ARL6IP6: variants seen among roughly 807,000 people sequenced by gnomAD.
The protein encoded by ARL6IP6 is ADP-ribosylation factor-like protein 6-interacting protein 6.
Under a neutral mutation model 21.5 loss-of-function variants are expected in ARL6IP6, and 22 were observed. That is an observed-to-expected ratio of 1.02 (90% CI 0.73 to 1.46). ARL6IP6 has a LOEUF of 1.46. ARL6IP6 is among the 40% of genes most tolerant of loss of function. ARL6IP6 has a pLI of 0.00. For missense variants in ARL6IP6, 388 were observed against 299.8 expected, an observed-to-expected ratio of 1.29 and a Z score of -2.17; for synonymous variants, 164 against 125.3, an observed-to-expected ratio of 1.31 and a Z score of -2.06.
intron 3 of ARL6IP6, among the ~76,000 whole-genome samples, chr2:152,755,275 C>T (rs892578051): frequency 6.6e-6 from 1 of 152,306 alleles, no homozygotes; most frequent in African/African-American, 2.4e-5. Context: ...AGGGAAAACA[C>T]CTGCTACTTA....
intron 2 of ARL6IP6, among the ~76,000 whole-genome samples, chr2:152,728,047 T>C (rs1700124991): frequency 6.6e-6 from 1 of 152,266 alleles, no homozygotes; most frequent in Non-Finnish European, 1.5e-5. Flanking sequence ...TATAGTCATT[T>C]AAAATACATG....
intron 1 of ARL6IP6, among the ~76,000 whole-genome samples, chr2:152,719,442 A>G: frequency 6.6e-6 from 1 of 152,228 alleles, no homozygotes; most frequent in Non-Finnish European, 1.5e-5. Flanking sequence ...TCCTCTACAC[A>G]GAATCTTGAG....
intron 1 of ARL6IP6, 137 bp downstream of exon 1, chr2:152,719,161 A>G (rs1574001451): frequency 2.0e-6 from 2 of 1,015,398 alleles, no homozygotes; most frequent in East Asian, 2.9e-5. Flanking sequence ...CCTCATTTGC[A>G]TCTTACTTTG....
chr2:152,727,089 G>A (rs562713201), intron 2 of ARL6IP6, among the ~76,000 whole-genome samples: 22 of 152,254 alleles, frequency 1.4e-4, no homozygotes, highest in Admixed American at 9.8e-4. Flanking sequence ...CCAGAAGAAG[G>A]CATTGTTGTC....
chr2:152,718,072 A>G (rs544031932), upstream of ARL6IP6: 4 of 993,844 alleles, frequency 4.0e-6, no homozygotes, highest in African/African-American at 5.2e-5. Context: ...GGAGAACCAC[A>G]CTAAAGGGAG....
At chr2:152,734,513 C>T (rs6748160) in intron 2 of ARL6IP6, among the ~76,000 whole-genome samples, 96,955 of 151,988 alleles carry the variant, frequency 0.64, 31,109 homozygotes, top group East Asian at 0.72. Context: ...TTTTTCGAAG[C>T]GGGGTTTCAC....
chr2:152,752,330 A>G (rs1701374212), intron 3 of ARL6IP6, among the ~76,000 whole-genome samples: 1 of 152,198 alleles, frequency 6.6e-6, no homozygotes, highest in Non-Finnish European at 1.5e-5. Context: ...AACAAAACTG[A>G]AACCAAGCCT....
At chr2:152,725,115 T>TAGGGATCTTCAAA (rs924791561) in intron 2 of ARL6IP6, among the ~76,000 whole-genome samples, 19 of 152,214 alleles carry the variant, frequency 1.2e-4, no homozygotes, top group Admixed American at 1.1e-3. Flanking sequence ...TATTCTTTCT[T>TAGGGATCTTCAAA]AGGGATCTTC....
chr2:152,720,264 C>G (rs1699719111), intron 1 of ARL6IP6: 1 of 475,776 alleles, frequency 2.1e-6, no homozygotes, highest in African/African-American at 1.9e-5. Context: ...TGAACTCCAC[C>G]TAGTATGCCC....
intron 3 of ARL6IP6, among the ~76,000 whole-genome samples, chr2:152,749,103 A>G (rs1701192248): frequency 6.6e-6 from 1 of 152,170 alleles, no homozygotes; most frequent in Non-Finnish European, 1.5e-5. Flanking sequence ...AATGTATTCC[A>G]TTCCTGAAAA....
intron 3 of ARL6IP6, among the ~76,000 whole-genome samples, chr2:152,741,711 AC>A (rs1221779915): frequency 6.6e-6 from 1 of 152,248 alleles, no homozygotes; most frequent in Non-Finnish European, 1.5e-5. Context: ...TTTAGGAAAT[AC>A]AAGATAGAGA....
At chr2:152,725,858 T>A (rs552856042) in intron 2 of ARL6IP6, among the ~76,000 whole-genome samples, 2 of 152,244 alleles carry the variant, frequency 1.3e-5, no homozygotes, top group Non-Finnish European at 2.9e-5. Flanking sequence ...TTATTTCTTA[T>A]GAAAATTTTT....
At chr2:152,744,159 T>G (rs1302550747) in intron 3 of ARL6IP6, among the ~76,000 whole-genome samples, 1 of 152,162 alleles carries the variant, frequency 6.6e-6, no homozygotes, top group East Asian at 1.9e-4. Context: ...TGATTTAAAA[T>G]TTTCCTAGAT....
chr2:152,717,987 A>G (rs989329736), upstream of ARL6IP6: 27 of 998,982 alleles, frequency 2.7e-5, no homozygotes, highest in Non-Finnish European at 3.1e-5. Flanking sequence ...CGATCTCCGT[A>G]CGCACCAGGT....
chr2:152,740,304 G>A (rs1327924103), intron 3 of ARL6IP6, among the ~76,000 whole-genome samples: 3 of 151,972 alleles, frequency 2.0e-5, no homozygotes, highest in Non-Finnish European at 4.4e-5. Flanking sequence ...TTTGCCATGT[G>A]CCCAGGCTGG....
intron 3 of ARL6IP6, among the ~76,000 whole-genome samples, chr2:152,755,014 G>T (rs1309286512): frequency 6.6e-6 from 1 of 151,982 alleles, no homozygotes; most frequent in East Asian, 1.9e-4. Context: ...TTAATCATTA[G>T]TTTGTAGCAA....
At position 152,759,613 on chromosome 2, in the gene ARL6IP6, A is replaced by C. The variant is rs895569394; in HGVS notation, c.588-134A>C. 1.5e-6 allele frequency: 1 copy of C among 651,434 alleles called. No individual in the cohort carries two copies. Among genetic ancestry groups the C allele is most frequent in the Non-Finnish European group, 2.7e-6 (1 of 375,308 alleles). 40.4% of individuals were successfully genotyped at this position (651,434 alleles called of 1,614,324 possible). On this transcript the variant is annotated intron_variant, in intron 3 of 3. Coordinates refer to ENST00000326446, the MANE Select transcript of ARL6IP6 (RefSeq NM_152522.7). ...ATCCTGCAGATGTCCAATATTCTTT[A>C]AGTTTTGTATTCATATGTGAACATT... is the stretch of plus-strand genomic sequence containing the variant.
At chr2:152,733,472 A>C (rs1700418942) in intron 2 of ARL6IP6, among the ~76,000 whole-genome samples, 1 of 152,106 alleles carries the variant, frequency 6.6e-6, no homozygotes, top group African/African-American at 2.4e-5. Context: ...CGTGTTGGCC[A>C]GATTGGTCTC....
rs1699752864 is a variant in ARL6IP6 at position 152,720,798 on chromosome 2, T to A, written c.454+212T>A. 2.0e-5 allele frequency among the ~76,000 whole-genome samples: 3 copies of A among 152,328 alleles called. No homozygotes were observed. The South Asian group carries it at 6.2e-4, about 32-fold the overall frequency. On this transcript the variant is annotated intron_variant, in intron 2 of 3. Transcript: ENST00000326446. Reference sequence around the variant, plus strand: ...TGCATATATGGTATGTTTGCTATAATTTTTTAATGGGGCCAGGTGCAGTGG... The same window carrying A: ...TGCATATATGGTATGTTTGCTATAAATTTTTAATGGGGCCAGGTGCAGTGG...
Sources: allele counts gnomAD v4.1 joint callset (sites outside exome capture counted in the v4.1 genomes callset), GRCh38; gene constraint gnomAD v4.1.1; transcripts MANE v1.5; gene names NCBI Gene and HGNC (gene_info 2026-07-23, HGNC 2026-07-21).